The following MYO1E variants were observed in gnomAD, a reference collection of about 807,000 sequenced individuals.
MYO1E encodes myosin IE.
A neutral mutation model predicts 151.1 loss-of-function variants in MYO1E; 68 were observed. That is an observed-to-expected ratio of 0.45 (90% confidence interval 0.37 to 0.55). The LOEUF (loss-of-function observed/expected upper bound fraction) is 0.55. MYO1E is among the 20% of genes least tolerant of loss of function. MYO1E has a pLI of 0.00. For synonymous variants in MYO1E, 601 were observed against 501.7 expected (o/e 1.20, Z -2.64); for missense variants, 1,363 against 1,389.3 (o/e 0.98, Z 0.30).
At chr15:59,230,154 T>C (rs977857518) in intron 6 of MYO1E, among the ~76,000 whole-genome samples, 1 of 152,092 alleles carries the variant, frequency 6.6e-6, no homozygotes, top group African/African-American at 2.4e-5. Flanking sequence ...CAGAAAATTA[T>C]ATGTGGTTTT....
intron 14 of MYO1E, 67 bp downstream of exon 14, chr15:59,208,614 A>T: frequency 1.3e-6 from 2 of 1,574,204 alleles, no homozygotes; most frequent in South Asian, 2.2e-5. Flanking sequence ...GATTTGCTTC[A>T]TGAGAAACCA....
chr15:59,259,962 C>T lies in MYO1E; in HGVS notation c.237+1458G>A, dbSNP rs76824728. Reference sequence around the variant, plus strand: ...TGAAATGGAGATAGATGTTATGACACAGCCAGCATCCAGGGCTGTTTTATT... The same window carrying T: ...TGAAATGGAGATAGATGTTATGACATAGCCAGCATCCAGGGCTGTTTTATT... On this transcript the variant is annotated intron_variant, in intron 3 of 27. Transcript: ENST00000288235. Among the ~76,000 whole-genome samples, 741 of 152,338 alleles carry T rather than the reference C, an allele frequency of 4.9e-3. 17 individuals are homozygous for T. In the East Asian group the frequency reaches 0.063, roughly 13 times the overall value.
At chr15:59,334,262 T>G (rs8041037) in intron 1 of MYO1E, among the ~76,000 whole-genome samples, 3 of 152,168 alleles carry the variant, frequency 2.0e-5, no homozygotes, top group African/African-American at 4.8e-5. Context: ...CCAGCCTGGG[T>G]AACCAAATGA....
chr15:59,148,144 T>C (rs911422986), intron 26 of MYO1E, among the ~76,000 whole-genome samples: 3 of 152,164 alleles, frequency 2.0e-5, no homozygotes, highest in African/African-American at 7.2e-5. Context: ...TCAAAATTAT[T>C]ATATTAGTAT....
intron 16 of MYO1E, among the ~76,000 whole-genome samples, chr15:59,201,446 C>T (rs1240144607): frequency 4.1e-5 from 6 of 146,600 alleles, no homozygotes; most frequent in African/African-American, 1.0e-4. Flanking sequence ...CTCTTGTTGC[C>T]GAGGCTGGAG....
chr15:59,205,397 T>C lies in MYO1E; in HGVS notation c.1616+3A>G. On this transcript the variant is annotated splice_donor_region_variant and intron_variant, in intron 15 of 27. Transcript: ENST00000288235. The stretch of plus-strand genomic sequence containing the variant: ...CCTGTCAGCTATGGCAAAACATACT[T>C]ACAGCTCGCTGCTCTGCATAAGCTC... 1 of 1,613,918 alleles carries C rather than the reference T, an allele frequency of 6.2e-7. No individual in the cohort carries two copies. Among genetic ancestry groups the C allele is most frequent in the South Asian group, 1.1e-5 (1 of 91,084 alleles).
intron 1 of MYO1E, among the ~76,000 whole-genome samples, chr15:59,286,755 A>T (rs759280448): frequency 1.3e-5 from 2 of 152,154 alleles, no homozygotes; most frequent in Non-Finnish European, 2.9e-5. Flanking sequence ...TTACTTCTGG[A>T]CCCTTGGCTT....
At chr15:59,144,484 G>A (rs114446589) in intron 26 of MYO1E, among the ~76,000 whole-genome samples, 3,894 of 152,138 alleles carry the variant, frequency 0.026, 163 homozygotes, top group African/African-American at 0.088. Flanking sequence ...TTTTAGAGAT[G>A]AAGTTTTGCC....
At chr15:59,247,797 A>C (rs1340725486) in intron 4 of MYO1E, among the ~76,000 whole-genome samples, 1 of 152,194 alleles carries the variant, frequency 6.6e-6, no homozygotes, top group East Asian at 1.9e-4. Context: ...GCAATTCAGG[A>C]ATCAGAAATA....
chr15:59,193,570 C>G (rs148581120), intron 17 of MYO1E, among the ~76,000 whole-genome samples: 1 of 152,210 alleles, frequency 6.6e-6, no homozygotes, highest in Non-Finnish European at 1.5e-5. Flanking sequence ...AAACTGTTGA[C>G]GGAACTGAGA....
intron 8 of MYO1E, 140 bp from the exon 9 acceptor site, chr15:59,223,331 A>G: frequency 2.4e-6 from 2 of 834,634 alleles, no homozygotes. Flanking sequence ...AAAAAAAAAA[A>G]GCCAAAACAT....
At chr15:59,202,724 G>A (rs1267021573) in intron 15 of MYO1E, among the ~76,000 whole-genome samples, 1 of 152,124 alleles carries the variant, frequency 6.6e-6, no homozygotes, top group African/African-American at 2.4e-5. Context: ...AACAGAGGGA[G>A]GTCAGTAGGG....
At chr15:59,212,075 G>A (rs531046354) in intron 12 of MYO1E, among the ~76,000 whole-genome samples, 2 of 152,146 alleles carry the variant, frequency 1.3e-5, no homozygotes, top group East Asian at 3.9e-4. Context: ...GCCATGCCCT[G>A]CAAGTTCCCA....
rs11285934 is a variant in MYO1E at position 59,233,661 on chromosome 15, TAAAAAAAAAAA to T, written c.421-1881_421-1871del. On this transcript the variant is annotated intron_variant, in intron 5 of 27. Transcript: ENST00000288235. ...CCTGGCGACAGAGCGAGACTCCGTC[TAAAAAAAAAAA>T]AAAAAAAAAAAAAGGCAGCAAAACA... 1.8e-4 allele frequency among the ~76,000 whole-genome samples: 14 copies of T among 78,378 alleles called. No homozygotes were observed. The Admixed American group carries it at 2.0e-3, about 11-fold the overall frequency. The allele number at this position is 78,378 out of a possible 152,430, so 51.4% of individuals were successfully genotyped here.
chr15:59,290,445 C>A (rs968698777), intron 1 of MYO1E, among the ~76,000 whole-genome samples: 7 of 152,182 alleles, frequency 4.6e-5, no homozygotes, highest in South Asian at 2.1e-4. Flanking sequence ...ACAGGAGATG[C>A]CTCAGCAAAG....
chr15:59,145,607 G>A (rs2079436657), intron 26 of MYO1E, among the ~76,000 whole-genome samples: 1 of 152,086 alleles, frequency 6.6e-6, no homozygotes, highest in African/African-American at 2.4e-5. Flanking sequence ...GCCCAGGCTG[G>A]TCTCGAACTC....
chr15:59,214,706 G>A lies in MYO1E; in HGVS notation c.1122C>T (p.Ala374=). The part of the protein sequence containing the change: ...FDFLVDSINK[A]MEKDHEEYNI... ...TGTATTCTTCATGGTCTTTCTCCAT[G>A]GCTTTATTGATGGACTAGAGAAAGT... The change falls in exon 11 of 28, where the codon GCC becomes GCT. Residue 374 remains alanine, a synonymous_variant. Transcript: ENST00000288235. 1 of 1,613,164 alleles carries A rather than the reference G, an allele frequency of 6.2e-7. No homozygotes were observed. Among genetic ancestry groups the A allele is most frequent in the Non-Finnish European group, 8.5e-7 (1 of 1,179,138 alleles).
At chr15:59,204,447 A>C (rs1198757668) in intron 15 of MYO1E, among the ~76,000 whole-genome samples, 1 of 152,242 alleles carries the variant, frequency 6.6e-6, no homozygotes, top group African/African-American at 2.4e-5. Flanking sequence ...TAACTAATAG[A>C]GAGCAAAAGG....
At chr15:59,283,493 A>G (rs1226694215) in intron 1 of MYO1E, among the ~76,000 whole-genome samples, 1 of 151,978 alleles carries the variant, frequency 6.6e-6, no homozygotes, top group African/African-American at 2.4e-5. Context: ...GATTAAACTG[A>G]CCCCTAGGAC....
Sources: allele counts gnomAD v4.1 joint callset (sites outside exome capture counted in the v4.1 genomes callset), GRCh38; gene constraint gnomAD v4.1.1; transcripts MANE v1.5; gene names NCBI Gene and HGNC (gene_info 2026-07-23, HGNC 2026-07-21).